KCNS3: variants seen among roughly 807,000 people sequenced by gnomAD.
KCNS3 encodes the protein potassium voltage-gated channel modifier subfamily S member 3, also known as delayed-rectifier potassium channel regulatory subunit KCNS3.
In KCNS3, 13 loss-of-function variants were observed where a neutral mutation model predicts 31.0. The observed-to-expected ratio is 0.42, with a 90% CI of 0.27 to 0.67. The LOEUF (loss-of-function observed/expected upper bound fraction) is 0.67, where lower values mean the gene tolerates loss of function less well. KCNS3 is among the 30% of genes least tolerant of loss of function. KCNS3 has a pLI of 0.25. For synonymous variants in KCNS3, 238 were observed against 241.5 expected (o/e 0.99, Z 0.13); for missense variants, 545 against 622.4 (o/e 0.88, Z 1.32).
At chr2:17,888,759 G>T (rs1661767498) in intron 1 of KCNS3, among the ~76,000 whole-genome samples, 2 of 146,434 alleles carry the variant, frequency 1.4e-5, no homozygotes, top group Admixed American at 6.9e-5. Flanking sequence ...TTTATTTCTG[G>T]GTTCTCTATT....
chr2:17,921,614 T>G (rs915166203), intron 2 of KCNS3, among the ~76,000 whole-genome samples: 1 of 151,988 alleles, frequency 6.6e-6, no homozygotes, highest in African/African-American at 2.4e-5. Context: ...CTCAGGAAAC[T>G]TAAAATCATG....
rs1553340981 is a variant in KCNS3, at chr2:17,884,262, A to ATATATAT, written c.-252+5456_-252+5457insTATATAT. Among the ~76,000 whole-genome samples, 115 of 51,600 alleles carry ATATATAT rather than the reference A, an allele frequency of 2.2e-3. 1 individual carries two copies. Among genetic ancestry groups the ATATATAT allele is most frequent in the East Asian group, 0.011 (15 of 1,352 alleles). 33.9% of individuals were successfully genotyped at this position (51,600 alleles called of 152,430 possible). The stretch of plus-strand genomic sequence containing the variant: ...CTAGAACTTAAAGTATAATTAAAAA[A>ATATATAT]AAAAAAATATATATATATATATATA... On this transcript the variant is annotated intron_variant, in intron 1 of 2. Transcript: ENST00000304101.
chr2:17,930,658 A>G (rs1662940334), intron 2 of KCNS3, among the ~76,000 whole-genome samples: 1 of 152,210 alleles, frequency 6.6e-6, no homozygotes, highest in Admixed American at 6.5e-5. Flanking sequence ...GTTGGGAGGT[A>G]CAGTTTGAAT....
chr2:17,931,520 T>C lies in KCNS3; in HGVS notation c.512T>C (p.Ile171Thr). The C allele has an allele frequency of 6.2e-7, 1 of 1,614,062 alleles. No individual in the cohort carries two copies. The highest frequency in any genetic ancestry group is 8.5e-7 in the Non-Finnish European group (1 of 1,180,014). Reference sequence around the variant, plus strand: ...CGATTTGGTCAGCTCCGGAAGAAAATCTGGATTAGAATGGAGAATCCAGCG... The same window carrying C: ...CGATTTGGTCAGCTCCGGAAGAAAACCTGGATTAGAATGGAGAATCCAGCG... Reference protein sequence around the residue: ...TLRFGQLRKKIWIRMENPAYC... With the variant: ...TLRFGQLRKKTWIRMENPAYC... Residue 171 changes from isoleucine (I) to threonine (T), a missense_variant, in exon 3 of 3, where the codon ATC (isoleucine) becomes ACC (threonine). Transcript: ENST00000304101. The surrounding 1 kb of genome is among the most constrained non-coding windows in gnomAD (Gnocchi z 5.4).
At chr2:17,882,485 C>T (rs930032106) in intron 1 of KCNS3, among the ~76,000 whole-genome samples, 2 of 152,194 alleles carry the variant, frequency 1.3e-5, no homozygotes, top group Non-Finnish European at 2.9e-5. Context: ...CCTCACTTCT[C>T]TCTGGAGCTA....
chr2:17,932,324 A>T lies in KCNS3; in HGVS notation c.1316A>T (p.Asn439Ile). ...AAGTGTCATGAGCTACCTTACTTTA[A>T]CATTAGGGATATATATGCACAGCGG... ...PEKCHELPYF[N>I]IRDIYAQRMH... Residue 439 changes from asparagine to isoleucine, a missense_variant, in exon 3 of 3, where the codon AAC (asparagine) becomes ATC (isoleucine). Transcript: ENST00000304101. 1.9e-6 allele frequency: 3 copies of T among 1,614,026 alleles called. No homozygotes were observed.
chr2:17,918,349 C>T (rs562184023), intron 2 of KCNS3, among the ~76,000 whole-genome samples: 6 of 152,184 alleles, frequency 3.9e-5, no homozygotes, highest in Non-Finnish European at 8.8e-5. Context: ...TCAATTCTAA[C>T]TAAACTTGAG....
At chr2:17,886,647 G>A (rs78703631) in intron 1 of KCNS3, among the ~76,000 whole-genome samples, 4,346 of 151,944 alleles carry the variant, frequency 0.029, 113 homozygotes, top group African/African-American at 0.073. Flanking sequence ...ACCATGTATG[G>A]CAGTGTTCAT....
In KCNS3 at chr2:17,887,504, T is replaced by C. The variant is rs142954598; in HGVS notation, c.-252+8698T>C. 4.5e-5 allele frequency among the ~76,000 whole-genome samples: 6 copies of C among 134,082 alleles called. No individual in the cohort carries two copies. In the East Asian group the frequency reaches 1.4e-3, roughly 32 times the overall value. 88.0% of individuals were successfully genotyped at this position (134,082 alleles called of 152,430 possible). ...CATATGATCTATCTATCTATCTATC[T>C]ATCTATCTATCTATCTATCTATCTA... On this transcript the variant is annotated intron_variant, in intron 1 of 2. Coordinates refer to ENST00000304101, the MANE Select transcript of KCNS3 (RefSeq NM_002252.5).
chr2:17,913,887 A>G (rs1662527098), intron 1 of KCNS3, among the ~76,000 whole-genome samples: 1 of 152,266 alleles, frequency 6.6e-6, no homozygotes, highest in Non-Finnish European at 1.5e-5. Context: ...GTGCTGCTAA[A>G]CACTCTACTG....
intron 1 of KCNS3, among the ~76,000 whole-genome samples, chr2:17,911,191 G>A (rs75712427): frequency 9.9e-5 from 15 of 152,206 alleles, no homozygotes; most frequent in African/African-American, 3.6e-4. Context: ...CATACTACTG[G>A]ACCTTGTATT....
chr2:17,913,432 T>C (rs11899144), intron 1 of KCNS3, among the ~76,000 whole-genome samples: 2,179 of 152,382 alleles, frequency 0.014, 41 homozygotes, highest in African/African-American at 0.047. Context: ...GATTAGTGCA[T>C]ATGCACAGTA....
intron 1 of KCNS3, among the ~76,000 whole-genome samples, chr2:17,905,991 G>C (rs974079506): frequency 6.6e-6 from 1 of 152,160 alleles, no homozygotes; most frequent in Non-Finnish European, 1.5e-5. Context: ...GAGTTAGGGA[G>C]GATTCCCTCT....
In KCNS3 at chr2:17,928,181, T is replaced by C. The variant is rs557935186; in HGVS notation, c.-59-2769T>C. Among the ~76,000 whole-genome samples, 3 of 152,358 alleles carry C rather than the reference T, an allele frequency of 2.0e-5. No individual in the cohort carries two copies. In the East Asian group the frequency reaches 5.8e-4, roughly 29 times the overall value. On this transcript the variant is annotated intron_variant, in intron 2 of 2. Coordinates refer to ENST00000304101, the MANE Select transcript of KCNS3 (RefSeq NM_002252.5). The stretch of plus-strand genomic sequence containing the variant: ...TGATCATAGTATTCCTTTATAGTTC[T>C]TTTCATTATGTAAGGTCAATAGTGG...
chr2:17,884,189 G>A (rs1674707038), intron 1 of KCNS3, among the ~76,000 whole-genome samples: 1 of 145,772 alleles, frequency 6.9e-6, no homozygotes, highest in East Asian at 2.1e-4. Flanking sequence ...ACACCAACAT[G>A]GCACATGTAT....
At position 17,932,166 on chromosome 2, in the gene KCNS3, C is replaced by A; in HGVS notation, c.1158C>A (p.Ile386=). ...CGGTCACCTTGGCGGGAAAGCTCAT[C>A]GCCAGCACATGCATCATCTGTGGCA... The part of the protein sequence containing the change: ...THPVTLAGKL[I]ASTCIICGIL... Residue 386 remains isoleucine, a synonymous_variant, in exon 3 of 3, where the codon ATC becomes ATA. Coordinates refer to ENST00000304101, the MANE Select transcript of KCNS3 (RefSeq NM_002252.5). The A allele has an allele frequency of 6.2e-7, 1 of 1,614,002 alleles. No individual in the cohort carries two copies. Among genetic ancestry groups the A allele is most frequent in the Non-Finnish European group, 8.5e-7 (1 of 1,179,944 alleles).
At chr2:17,930,348 A>G (rs532508580) in intron 2 of KCNS3, among the ~76,000 whole-genome samples, 354 of 152,298 alleles carry the variant, frequency 2.3e-3, no homozygotes, top group African/African-American at 7.0e-3. Context: ...AGATAATTAT[A>G]TCCTCTTGAT....
intron 1 of KCNS3, among the ~76,000 whole-genome samples, chr2:17,906,619 C>T (rs1662323556): frequency 6.6e-6 from 1 of 152,228 alleles, no homozygotes; most frequent in South Asian, 2.1e-4. Context: ...TTTCCCTCTA[C>T]ACACTGCTTT....
chr2:17,907,868 C>T (rs554897659), intron 1 of KCNS3, among the ~76,000 whole-genome samples: 1 of 152,304 alleles, frequency 6.6e-6, no homozygotes, highest in East Asian at 1.9e-4. Context: ...GGCAACCCGA[C>T]CTTTCTCTCT....
Sources: gnomAD v4.1 joint callset for allele counts (sites outside exome capture counted in the v4.1 genomes callset) on GRCh38, gnomAD v4.1.1 for gene constraint, Gnocchi (gnomAD v3.1) non-coding constraint, MANE v1.5 for transcripts, NCBI Gene and HGNC (gene_info 2026-07-23, HGNC 2026-07-21) for gene names.